Variants in SMAP1 observed in about 807,000 individuals in gnomAD.
The protein encoded by SMAP1 is stromal membrane-associated protein 1.
Under a neutral mutation model 58.5 loss-of-function variants are expected in SMAP1, and 24 were observed. The observed-to-expected ratio is 0.41, with a 90% CI of 0.30 to 0.58. The LOEUF is 0.58. Among genes scored for constraint, SMAP1 ranks in the 20% least tolerant of loss-of-function variants. SMAP1 has a pLI of 0.29. For missense variants in SMAP1, 563 were observed against 566.3 expected, an observed-to-expected ratio of 0.99 and a Z score of 0.06; for synonymous variants, 216 against 196.6, an observed-to-expected ratio of 1.10 and a Z score of -0.82.
intron 1 of SMAP1, among the ~76,000 whole-genome samples, chr6:70,671,403 C>T (rs1309771810): frequency 6.6e-6 from 1 of 152,060 alleles, no homozygotes; most frequent in Admixed American, 6.6e-5. Context: ...AACCCCGTCT[C>T]CACTAAAAAT....
chr6:70,724,163 G>GT (rs1245908417), intron 1 of SMAP1, among the ~76,000 whole-genome samples: 4 of 147,858 alleles, frequency 2.7e-5, no homozygotes, highest in South Asian at 2.1e-4. Flanking sequence ...TGTTGTTGTT[G>GT]TTTTTTTGTT....
Position 70,759,854 on chromosome 6 carries a change from C to A in SMAP1, c.338+4789C>A, listed in dbSNP as rs529606280. The A allele has an allele frequency of 3.5e-4, 156 of 449,118 alleles. 1 individual carries two copies. Among genetic ancestry groups the A allele is most frequent in the South Asian group, 2.5e-3 (156 of 63,010 alleles). The allele number at this position is 449,118 out of a possible 1,614,324, so 27.8% of individuals were successfully genotyped here. On this transcript the variant is annotated intron_variant, in intron 3 of 10. Transcript: ENST00000370455. ...GAAGATATAATACTGGAAACAACAG[C>A]TGTAATAACTTTACTGCTTAATAAG...
At chr6:70,802,883 C>T (rs1185166103) in intron 6 of SMAP1, among the ~76,000 whole-genome samples, 110 of 48,116 alleles carry the variant, frequency 2.3e-3, no homozygotes, top group Non-Finnish European at 3.9e-3. Flanking sequence ...ATAAGCTTTT[C>T]GATGTGCTGC....
intron 7 of SMAP1, among the ~76,000 whole-genome samples, chr6:70,847,104 A>G (rs1582302367): frequency 6.6e-6 from 1 of 152,352 alleles, no homozygotes; most frequent in East Asian, 1.9e-4. Flanking sequence ...TGTTAAAAAT[A>G]CTTTATTTAC....
intron 6 of SMAP1, among the ~76,000 whole-genome samples, chr6:70,819,990 T>C (rs1315310097): frequency 6.6e-6 from 1 of 152,220 alleles, no homozygotes; most frequent in Non-Finnish European, 1.5e-5. Context: ...CACTGTCTGC[T>C]TGCCTTTCTC....
intron 1 of SMAP1, among the ~76,000 whole-genome samples, chr6:70,698,297 A>G (rs956173312): frequency 6.6e-6 from 1 of 151,864 alleles, no homozygotes; most frequent in East Asian, 1.9e-4. Context: ...TTTGTATGTT[A>G]CTTGTTTCTT....
At chr6:70,735,611 A>G (rs541540350) in intron 2 of SMAP1, among the ~76,000 whole-genome samples, 1 of 152,186 alleles carries the variant, frequency 6.6e-6, no homozygotes, top group African/African-American at 2.4e-5. Flanking sequence ...TCTACTAAAA[A>G]TACGAAAATT....
At chr6:70,844,394 C>G (rs965370941) in intron 7 of SMAP1, among the ~76,000 whole-genome samples, 4 of 152,112 alleles carry the variant, frequency 2.6e-5, no homozygotes, top group Non-Finnish European at 5.9e-5. Flanking sequence ...TGGGGCTCTT[C>G]CCCTTACAGA....
In SMAP1 at chr6:70,860,416, G is replaced by A. The variant is rs1014468860; in HGVS notation, c.*82G>A. 2 of 1,493,078 alleles carry A rather than the reference G, an allele frequency of 1.3e-6. No individual in the cohort carries two copies. The highest frequency in any genetic ancestry group is 2.8e-5 in the African/African-American group (2 of 70,688). The allele number at this position is 1,493,078 out of a possible 1,614,324, so 92.5% of individuals were successfully genotyped here. ...ATCTAGTTCCCCTGTTTATTCATATGCATATTTTTTTTCTTTTTACCCATT... is the reference window on the plus strand; with the variant it reads ...ATCTAGTTCCCCTGTTTATTCATATACATATTTTTTTTCTTTTTACCCATT... On this transcript the variant is annotated 3_prime_UTR_variant, in exon 11 of 11. Coordinates refer to ENST00000370455, the MANE Select transcript of SMAP1 (RefSeq NM_001044305.3).
At chr6:70,784,046 C>G (rs967072577) in intron 4 of SMAP1, among the ~76,000 whole-genome samples, 2 of 152,024 alleles carry the variant, frequency 1.3e-5, no homozygotes, top group African/African-American at 4.8e-5. Flanking sequence ...TAAGGGCAGC[C>G]AGAGAGAAAG....
rs1272862251 is a variant in SMAP1, at chr6:70,860,382, C to T, written c.*48C>T. The T allele has an allele frequency of 3.8e-6, 6 of 1,567,726 alleles. No individual in the cohort carries two copies. Among genetic ancestry groups the T allele is most frequent in the Non-Finnish European group, 5.2e-6 (6 of 1,157,658 alleles). On this transcript the variant is annotated 3_prime_UTR_variant, in exon 11 of 11. Transcript: ENST00000370455. Reference sequence around the variant, plus strand: ...CAGAACTACCACCTGACATTCCTTGCTGAAACGCATCTAGTTCCCCTGTTT... The same window carrying T: ...CAGAACTACCACCTGACATTCCTTGTTGAAACGCATCTAGTTCCCCTGTTT...
rs140727693 is a variant in SMAP1, at chr6:70,789,348, A to C, written c.415-2341A>C. ...TTGTGCCCCTCGCTAGTCAGCCCCC[A>C]ACCATGGCCTTGGTGACTGATCTGT... is the stretch of plus-strand genomic sequence containing the variant. On this transcript the variant is annotated intron_variant, in intron 4 of 10. Transcript: ENST00000370455. 1.9e-3 allele frequency among the ~76,000 whole-genome samples: 294 copies of C among 152,094 alleles called. 2 individuals are homozygous for C. The highest frequency in any genetic ancestry group is 6.7e-3 in the African/African-American group (278 of 41,484).
chr6:70,770,479 C>G (rs1582150095), intron 3 of SMAP1, among the ~76,000 whole-genome samples: 1 of 152,176 alleles, frequency 6.6e-6, no homozygotes, highest in African/African-American at 2.4e-5. Context: ...AACTTCCCTT[C>G]TCGCTTCATT....
chr6:70,753,412 T>G (rs1766359933), intron 2 of SMAP1, among the ~76,000 whole-genome samples: 1 of 152,186 alleles, frequency 6.6e-6, no homozygotes, highest in Non-Finnish European at 1.5e-5. Context: ...TAAGGCATTT[T>G]TACTTGGTCT....
At chr6:70,683,055 T>C (rs1766789399) in intron 1 of SMAP1, among the ~76,000 whole-genome samples, 1 of 152,074 alleles carries the variant, frequency 6.6e-6, no homozygotes, top group South Asian at 2.1e-4. Flanking sequence ...AGTGGCTGAC[T>C]TACTGTACCC....
chr6:70,846,793 G>T (rs1771006011), intron 7 of SMAP1, among the ~76,000 whole-genome samples: 1 of 152,136 alleles, frequency 6.6e-6, no homozygotes, highest in Non-Finnish European at 1.5e-5. Flanking sequence ...GTAGGGAATG[G>T]GCACCTGTTT....
intron 3 of SMAP1, chr6:70,772,797 G>A (rs545652375): frequency 1.3e-5 from 2 of 152,356 alleles, no homozygotes; most frequent in Admixed American, 1.3e-4. Context: ...TATATGATGT[G>A]CCCAGGGACA....
chr6:70,796,629 C>G (rs965402354), intron 5 of SMAP1, among the ~76,000 whole-genome samples: 5 of 152,150 alleles, frequency 3.3e-5, no homozygotes, highest in African/African-American at 1.2e-4. Context: ...TTCCTTATTT[C>G]CAGTATAAAG....
At position 70,860,640 on chromosome 6, in the gene SMAP1, G is replaced by A. The variant is rs1562209605; in HGVS notation, c.*306G>A. 2.4e-6 allele frequency: 1 copy of A among 424,614 alleles called. No homozygotes were observed. The highest frequency in any genetic ancestry group is 4.1e-6 in the Non-Finnish European group (1 of 241,098). 26.3% of individuals were successfully genotyped at this position (424,614 alleles called of 1,614,324 possible). A position where few individuals can be genotyped will look rare whatever the true frequency, so the allele number is the denominator to read the frequency against. Reference sequence around the variant, plus strand: ...CTCTCAATAAAATTATAGCTCTAATGTTTGCATATAAGGGAAGTAGTTATC... The same window carrying A: ...CTCTCAATAAAATTATAGCTCTAATATTTGCATATAAGGGAAGTAGTTATC... On this transcript the variant is annotated 3_prime_UTR_variant, in exon 11 of 11. Transcript: ENST00000370455.
Sources: allele counts gnomAD v4.1 joint callset (sites outside exome capture counted in the v4.1 genomes callset), GRCh38; gene constraint gnomAD v4.1.1; transcripts MANE v1.5; gene names NCBI Gene and HGNC (gene_info 2026-07-23, HGNC 2026-07-21).